SHC3: variants seen among roughly 807,000 people sequenced by gnomAD.
The protein encoded by SHC3 is SHC adaptor protein 3, also known as SHC-transforming protein 3.
A neutral mutation model predicts 60.4 loss-of-function variants in SHC3; 15 were observed. That is an observed-to-expected ratio of 0.25 (90% confidence interval 0.17 to 0.38). The LOEUF is 0.38. SHC3 is among the 10% of genes least tolerant of loss of function. SHC3 has a pLI of 1.00. For missense variants in SHC3, 677 were observed against 786.1 expected, an observed-to-expected ratio of 0.86 and a Z score of 1.66; for synonymous variants, 294 against 325.9, an observed-to-expected ratio of 0.90 and a Z score of 1.05.
intron 1 of SHC3, among the ~76,000 whole-genome samples, chr9:89,169,444 G>A (rs965238023): frequency 6.0e-5 from 9 of 150,300 alleles, no homozygotes; most frequent in Admixed American, 2.0e-4. Flanking sequence ...GCACTGAGGC[G>A]GAGGCACCAC....
At chr9:89,125,187 C>T (rs1294956759) in intron 1 of SHC3, among the ~76,000 whole-genome samples, 10 of 152,130 alleles carry the variant, frequency 6.6e-5, no homozygotes, top group Non-Finnish European at 1.5e-5. Flanking sequence ...TTGTTAAGAA[C>T]ACAAACCCCA....
At chr9:89,083,448 T>C (rs182870766) in intron 2 of SHC3, among the ~76,000 whole-genome samples, 2 of 152,132 alleles carry the variant, frequency 1.3e-5, no homozygotes, top group Admixed American at 6.5e-5. Context: ...GGCAGAACCA[T>C]GGAGGTTTCT....
intron 1 of SHC3, among the ~76,000 whole-genome samples, chr9:89,135,779 G>C (rs1826310401): frequency 6.6e-6 from 1 of 151,918 alleles, no homozygotes; most frequent in Admixed American, 6.6e-5. Flanking sequence ...GAGTAATGTA[G>C]AAACAATCTG....
chr9:89,080,734 A>AAAAT (rs1491349600), intron 2 of SHC3, among the ~76,000 whole-genome samples: 3 of 132,106 alleles, frequency 2.3e-5, no homozygotes, highest in African/African-American at 8.6e-5. Context: ...AACTAGGAAG[A>AAAAT]ATATATATAT....
intron 1 of SHC3, among the ~76,000 whole-genome samples, chr9:89,120,396 A>T (rs964114910): frequency 1.3e-5 from 2 of 152,222 alleles, no homozygotes; most frequent in Non-Finnish European, 2.9e-5. Context: ...CATAGAAAAA[A>T]ATAGGCAAAG....
At chr9:89,155,020 T>C (rs1234058527) in intron 1 of SHC3, among the ~76,000 whole-genome samples, 1 of 152,226 alleles carries the variant, frequency 6.6e-6, no homozygotes, top group Non-Finnish European at 1.5e-5. Flanking sequence ...GCCACTAAGC[T>C]GGCTGCTCAG....
At chr9:89,141,387 G>A (rs756954845) in intron 1 of SHC3, among the ~76,000 whole-genome samples, 21 of 152,204 alleles carry the variant, frequency 1.4e-4, no homozygotes, top group Non-Finnish European at 2.5e-4. Context: ...ATTCACCACA[G>A]CTTAAGAGTA....
At chr9:89,101,065 T>C (rs998887650) in intron 2 of SHC3, among the ~76,000 whole-genome samples, 5 of 152,224 alleles carry the variant, frequency 3.3e-5, no homozygotes, top group African/African-American at 1.2e-4. Context: ...TATCTGTCCA[T>C]TTATTTAGCT....
intron 6 of SHC3, among the ~76,000 whole-genome samples, chr9:89,062,390 G>C (rs1032949428): frequency 6.6e-6 from 1 of 152,188 alleles, no homozygotes; most frequent in African/African-American, 2.4e-5. Context: ...TGAGATGGTG[G>C]TGGTGGTGGT....
chr9:89,007,385 C>A lies in SHC3; in HGVS notation c.*6062G>T, dbSNP rs1226532757. The stretch of plus-strand genomic sequence containing the variant: ...GACACACGGGTACCTTAAGGCTTGT[C>A]ACACTCCAACACCTTTGTGTGTGTG... On this transcript the variant is annotated 3_prime_UTR_variant, in exon 12 of 12. Transcript: ENST00000375835. 6.6e-6 allele frequency: 1 copy of A among 152,260 alleles called. No individual in the cohort carries two copies. Among genetic ancestry groups the A allele is most frequent in the African/African-American group, 2.4e-5 (1 of 41,466 alleles). 9.4% of individuals were successfully genotyped at this position (152,260 alleles called of 1,614,324 possible). A position where few individuals can be genotyped will look rare whatever the true frequency, so the allele number is the denominator to read the frequency against.
At chr9:89,170,973 G>A (rs1472940423) in intron 1 of SHC3, among the ~76,000 whole-genome samples, 4 of 152,154 alleles carry the variant, frequency 2.6e-5, no homozygotes, top group African/African-American at 4.8e-5. Context: ...CAGATCTCAA[G>A]GGATGATTGT....
chr9:89,055,426 G>A (rs1463665355), intron 6 of SHC3, among the ~76,000 whole-genome samples: 1 of 152,226 alleles, frequency 6.6e-6, no homozygotes, highest in Non-Finnish European at 1.5e-5. Context: ...GGCAAGTTAT[G>A]CCACAGTAAG....
intron 11 of SHC3, among the ~76,000 whole-genome samples, chr9:89,035,764 C>T (rs151122018): frequency 0.018 from 2,668 of 150,650 alleles, 31 homozygotes; most frequent in South Asian, 0.029. Flanking sequence ...CAAGACCAGA[C>T]TGGCCAATAT....
intron 6 of SHC3, among the ~76,000 whole-genome samples, chr9:89,060,143 C>T (rs1428327463): frequency 3.1e-4 from 33 of 106,054 alleles, no homozygotes; most frequent in South Asian, 2.1e-3. Flanking sequence ...TGGTGGAGGG[C>T]GGTGGTGGAG....
intron 1 of SHC3, among the ~76,000 whole-genome samples, chr9:89,177,753 C>A (rs1038724693): frequency 1.3e-5 from 2 of 152,256 alleles, no homozygotes; most frequent in East Asian, 3.9e-4. Context: ...AAAACCGGGA[C>A]GGAGCGGGCC....
intron 11 of SHC3, chr9:89,037,666 T>C: frequency 1.6e-6 from 1 of 629,126 alleles, no homozygotes; most frequent in Non-Finnish European, 2.8e-6. Flanking sequence ...TAGGAGCCTG[T>C]ACTTCCTTGT....
At chr9:89,078,081 C>T (rs547420883) in intron 2 of SHC3, among the ~76,000 whole-genome samples, 178 bp from the exon 3 acceptor site, 1 of 132,854 alleles carries the variant, frequency 7.5e-6, no homozygotes, top group Non-Finnish European at 1.5e-5. Flanking sequence ...AAACAAAACG[C>T]AAACAGGTCA....
rs182885290 is a variant in SHC3 at position 89,104,947 on chromosome 9, G to A, written c.545+7609C>T. 3.9e-5 allele frequency among the ~76,000 whole-genome samples: 6 copies of A among 152,278 alleles called. No individual in the cohort carries two copies. In the East Asian group the frequency reaches 9.6e-4, roughly 24 times the overall value. On this transcript the variant is annotated intron_variant, in intron 2 of 11. Coordinates refer to ENST00000375835, the MANE Select transcript of SHC3 (RefSeq NM_016848.6). ...CTGAAGCACAGAAAGGAGGGACGTC[G>A]CCATGCCCGGGATGAGCACAGTCAG...
Position 89,011,226 on chromosome 9 carries a change from A to ATAT in SHC3, c.*2218_*2220dup, listed in dbSNP as rs1248285305. The ATAT allele has an allele frequency of 2.6e-5, 4 of 152,326 alleles. No individual in the cohort carries two copies. The highest frequency in any genetic ancestry group is 9.6e-5 in the African/African-American group (4 of 41,568). 9.4% of individuals were successfully genotyped at this position (152,326 alleles called of 1,614,324 possible). ...TTCTAAATTGATTCTCATGCAAAAA[A>ATAT]TATATATATTTTCTATCACCATCGA... is the stretch of plus-strand genomic sequence containing the variant. On this transcript the variant is annotated 3_prime_UTR_variant, in exon 12 of 12. Coordinates refer to ENST00000375835, the MANE Select transcript of SHC3 (RefSeq NM_016848.6).
Sources: gnomAD v4.1 joint callset for allele counts (sites outside exome capture counted in the v4.1 genomes callset) on GRCh38, gnomAD v4.1.1 for gene constraint, MANE v1.5 for transcripts, NCBI Gene and HGNC (gene_info 2026-07-23, HGNC 2026-07-21) for gene names.